Variants in G3BP2 observed in about 807,000 individuals in gnomAD.
G3BP2 encodes G3BP stress granule assembly factor 2, also known as ras GTPase-activating protein-binding protein 2.
In G3BP2, 11 loss-of-function variants were observed where a neutral mutation model predicts 56.7. That is an observed-to-expected ratio of 0.19 (90% CI 0.12 to 0.32). The LOEUF (loss-of-function observed/expected upper bound fraction) is 0.32, where lower values mean the gene tolerates loss of function less well. G3BP2 is among the 10% of genes least tolerant of loss of function. The probability of loss-of-function intolerance (pLI) is 1.00; values close to 1 mark genes in which losing one functional copy is unlikely to be tolerated. For synonymous variants in G3BP2, 165 were observed against 191.6 expected, an observed-to-expected ratio of 0.86 and a Z score of 1.15; for missense variants, 340 against 610.9, an observed-to-expected ratio of 0.56 and a Z score of 4.67.
intron 1 of G3BP2, among the ~76,000 whole-genome samples, chr4:75,665,532 G>C (rs1206755801): frequency 2.0e-5 from 3 of 152,034 alleles, no homozygotes; most frequent in Non-Finnish European, 4.4e-5. Flanking sequence ...GACTGCTTGA[G>C]CTTAGGAGCT....
Position 75,654,856 on chromosome 4 carries a change from T to G in G3BP2, c.726+210A>C, listed in dbSNP as rs534167388. The stretch of plus-strand genomic sequence containing the variant: ...CAATGCATACAGACAAGGATTCATC[T>G]TAAGTTATAAGTTTCACTCTTAGAG... On this transcript the variant is annotated intron_variant, in intron 7 of 11. Transcript: ENST00000359707. The G allele has an allele frequency of 7.4e-6, 4 of 542,506 alleles. No individual in the cohort carries two copies. In the East Asian group the frequency reaches 1.3e-4, roughly 17 times the overall value. The allele number at this position is 542,506 out of a possible 1,614,324, so 33.6% of individuals were successfully genotyped here.
intron 3 of G3BP2, among the ~76,000 whole-genome samples, chr4:75,692,777 GA>G (rs1211017409): frequency 1.3e-5 from 2 of 152,022 alleles, no homozygotes; most frequent in African/African-American, 4.8e-5. Context: ...GGGCTATGAA[GA>G]AAAAAAGGAA....
intron 3 of G3BP2, among the ~76,000 whole-genome samples, chr4:75,679,976 T>G (rs187504674): frequency 1.3e-5 from 2 of 152,344 alleles, no homozygotes; most frequent in African/African-American, 4.8e-5. Flanking sequence ...TCACCAGTGT[T>G]TATCTCACAC....
intron 2 of G3BP2, among the ~76,000 whole-genome samples, chr4:75,660,747 A>C (rs1166125584): frequency 6.6e-6 from 1 of 152,208 alleles, no homozygotes; most frequent in African/African-American, 2.4e-5. Context: ...AGTAAGTGGC[A>C]ATATATTTAT....
At chr4:75,650,959 T>C (rs1731656381) in intron 8 of G3BP2, among the ~76,000 whole-genome samples, 1 of 152,218 alleles carries the variant, frequency 6.6e-6, no homozygotes, top group Non-Finnish European at 1.5e-5. Flanking sequence ...TAAATTAAAT[T>C]ACATTTTTAG....
chr4:75,666,621 GACT>G (rs1733057635), intron 1 of G3BP2, among the ~76,000 whole-genome samples: 1 of 152,138 alleles, frequency 6.6e-6, no homozygotes. Flanking sequence ...CAGGAAATAA[GACT>G]ATGAAAATTG....
chr4:75,666,105 C>T (rs1733015462), intron 1 of G3BP2, among the ~76,000 whole-genome samples: 1 of 152,036 alleles, frequency 6.6e-6, no homozygotes, highest in Non-Finnish European at 1.5e-5. Flanking sequence ...TATAATATCA[C>T]AGGTCAAAAT....
At chr4:75,648,075 C>T (rs1366492101) in intron 9 of G3BP2, among the ~76,000 whole-genome samples, 2 of 152,150 alleles carry the variant, frequency 1.3e-5, no homozygotes, top group African/African-American at 2.4e-5. Flanking sequence ...CTAGGCCGGG[C>T]ACAGTGGCTC....
At chr4:75,692,275 T>G (rs1718889216) in intron 3 of G3BP2, among the ~76,000 whole-genome samples, 1 of 152,150 alleles carries the variant, frequency 6.6e-6, no homozygotes, top group Admixed American at 6.6e-5. Flanking sequence ...ATCTCTGCCT[T>G]GGCTGACCTC....
chr4:75,672,737 G>T (rs945960623), intron 1 of G3BP2: 1 of 152,368 alleles, frequency 6.6e-6, no homozygotes. Flanking sequence ...GCGGGGTGGC[G>T]ACGGCCTCTC....
At chr4:75,706,791 T>G (rs544833145) in intron 3 of G3BP2, among the ~76,000 whole-genome samples, 46 of 151,938 alleles carry the variant, frequency 3.0e-4, no homozygotes, top group Non-Finnish European at 6.2e-4. Flanking sequence ...TACAATATGG[T>G]CAAAGTTGAC....
chr4:75,655,330 T>C (rs1015592237), intron 6 of G3BP2, 84 bp from the exon 7 acceptor site: 1 of 928,874 alleles, frequency 1.1e-6, no homozygotes, highest in African/African-American at 1.7e-5. Context: ...TGGGTGTAAC[T>C]AGTTATATGC....
Position 75,662,030 on chromosome 4 carries a change from T to C in G3BP2, c.-5A>G. 6.3e-7 allele frequency: 1 copy of C among 1,598,780 alleles called. No individual in the cohort carries two copies. Among genetic ancestry groups the C allele is most frequent in the Non-Finnish European group, 8.6e-7 (1 of 1,167,492 alleles). On this transcript the variant is annotated 5_prime_UTR_variant, in exon 2 of 12. Transcript: ENST00000359707. Reference sequence around the variant, plus strand: ...ACTGGGCTTCTCCATAACCATTTCTTTGCTGCACAATGTCAAATGCTGAGG... The same window carrying C: ...ACTGGGCTTCTCCATAACCATTTCTCTGCTGCACAATGTCAAATGCTGAGG...
At chr4:75,669,658 ATAT>A (rs1733330095) in intron 1 of G3BP2, among the ~76,000 whole-genome samples, 1 of 152,140 alleles carries the variant, frequency 6.6e-6, no homozygotes, top group South Asian at 2.1e-4. Context: ...TAATCACCTA[ATAT>A]TATTCTCTGC....
chr4:75,697,730 T>C (rs778792618), intron 3 of G3BP2, among the ~76,000 whole-genome samples: 5 of 151,938 alleles, frequency 3.3e-5, no homozygotes, highest in Non-Finnish European at 5.9e-5. Flanking sequence ...GGTCAGGAGT[T>C]TGAGACAAGC....
At chr4:75,724,144 G>A (rs1474306955) in intron 1 of G3BP2, 3 of 152,366 alleles carry the variant, frequency 2.0e-5, no homozygotes, top group Admixed American at 2.0e-4. Context: ...AATGAGGGGT[G>A]TCTAGTAACC....
chr4:75,709,139 A>C (rs1472825400), intron 3 of G3BP2, among the ~76,000 whole-genome samples: 1 of 146,218 alleles, frequency 6.8e-6, no homozygotes, highest in Non-Finnish European at 1.5e-5. Context: ...ACAACCAGCC[A>C]GGCAGGGCAT....
upstream of G3BP2, among the ~76,000 whole-genome samples, chr4:75,674,655 C>G (rs1733766343): frequency 7.0e-6 from 1 of 143,178 alleles, no homozygotes; most frequent in South Asian, 2.2e-4. Context: ...GCCTTCTGAG[C>G]CTCACAGTAA....
chr4:75,723,190 G>A lies in G3BP2; in HGVS notation c.-165-946C>T, dbSNP rs143464040. On this transcript the variant is annotated intron_variant, in intron 1 of 3. Coordinates refer to the G3BP2 transcript ENST00000499709. ...GGTCTGAGAAAAATGCCCAGAGTATGTGGGGGAGGCAGGAGCTGAAAAAGT... is the reference window on the plus strand; with the variant it reads ...GGTCTGAGAAAAATGCCCAGAGTATATGGGGGAGGCAGGAGCTGAAAAAGT... 1.7e-3 allele frequency among the ~76,000 whole-genome samples: 265 copies of A among 152,356 alleles called. 1 individual carries two copies. Among genetic ancestry groups the A allele is most frequent in the African/African-American group, 5.8e-3 (242 of 41,578 alleles).
Sources: gnomAD v4.1 joint callset for allele counts (sites outside exome capture counted in the v4.1 genomes callset) on GRCh38, gnomAD v4.1.1 for gene constraint, MANE v1.5 for transcripts, NCBI Gene and HGNC (gene_info 2026-07-23, HGNC 2026-07-21) for gene names.